PAX2: variants seen among roughly 807,000 people sequenced by gnomAD.
PAX2 encodes paired box 2, also known as paired box protein Pax-2.
In PAX2, 9 loss-of-function variants were observed where a neutral mutation model predicts 41.7. The observed-to-expected ratio is 0.22, with a 90% CI of 0.13 to 0.38. The LOEUF is 0.38. Among genes scored for constraint, PAX2 ranks in the 10% least tolerant of loss-of-function variants. PAX2 has a pLI of 1.00. For missense variants in PAX2, 418 were observed against 531.6 expected (o/e 0.79, Z 2.10); for synonymous variants, 221 against 212.7 (o/e 1.04, Z -0.34).
chr10:100,772,056 C>T (rs74608845), intron 3 of PAX2, among the ~76,000 whole-genome samples: 1,941 of 152,104 alleles, frequency 0.013, 47 homozygotes, highest in African/African-American at 0.044. Context: ...TCACTTGCCT[C>T]GGCCTCCCAA....
chr10:100,817,702 C>A (rs1424126961), intron 7 of PAX2, among the ~76,000 whole-genome samples: 1 of 152,164 alleles, frequency 6.6e-6, no homozygotes, highest in Admixed American at 6.5e-5. Context: ...AGCAGGCAAG[C>A]CTCAGGTGGG....
chr10:100,783,625 G>T (rs1254564222), intron 5 of PAX2, among the ~76,000 whole-genome samples: 3 of 150,882 alleles, frequency 2.0e-5, no homozygotes, highest in East Asian at 2.0e-4. Flanking sequence ...CCACAGGATA[G>T]CAGGCCAGGT....
chr10:100,801,157 A>G (rs1246939048), intron 5 of PAX2, among the ~76,000 whole-genome samples: 4 of 152,164 alleles, frequency 2.6e-5, no homozygotes, highest in East Asian at 3.9e-4. Flanking sequence ...GCCCTGTGCC[A>G]GGATCCCCAG....
rs148670912 is a variant in PAX2 at position 100,784,263 on chromosome 10, C to A, written c.616+2898C>A. ...GCAGGCCAGTCACAGAAGGCAGCCT[C>A]GGGCATGGGCTGCAGACACCCAGGT... On this transcript the variant is annotated intron_variant, in intron 5 of 9. Transcript: ENST00000355243. Among the ~76,000 whole-genome samples, 16 of 152,344 alleles carry A rather than the reference C, an allele frequency of 1.1e-4. No homozygotes were observed. In the East Asian group the frequency reaches 2.9e-3, roughly 28 times the overall value.
intron 7 of PAX2, among the ~76,000 whole-genome samples, chr10:100,812,636 G>A (rs1848033693): frequency 6.6e-6 from 1 of 152,150 alleles, no homozygotes; most frequent in African/African-American, 2.4e-5. Context: ...TCCCATCCCT[G>A]GAAGAAAAGA....
At chr10:100,749,511 C>G in intron 1 of PAX2, 2 of 1,336,524 alleles carry the variant, frequency 1.5e-6, no homozygotes, top group East Asian at 2.9e-5. Flanking sequence ...TTCTACCTTG[C>G]GTCGCAAGGC....
intron 1 of PAX2, among the ~76,000 whole-genome samples, chr10:100,739,379 TG>T (rs1844875715): frequency 6.6e-6 from 1 of 152,236 alleles, no homozygotes; most frequent in Non-Finnish European, 1.5e-5. Flanking sequence ...AGCTCCCGGC[TG>T]TGGCGCGCTC....
At chr10:100,749,405 C>T (rs1845346278) in intron 1 of PAX2, 2 of 1,138,922 alleles carry the variant, frequency 1.8e-6, no homozygotes, top group African/African-American at 3.2e-5. Flanking sequence ...TCCTCGCTTT[C>T]TTACGCCCTT....
intron 3 of PAX2, among the ~76,000 whole-genome samples, chr10:100,754,775 T>C (rs1329072361): frequency 2.0e-5 from 3 of 152,210 alleles, no homozygotes; most frequent in Non-Finnish European, 4.4e-5. Flanking sequence ...TCTCTGAAAC[T>C]CAGGTTCCAG....
At chr10:100,780,236 GC>G (rs2133895528) in intron 4 of PAX2, among the ~76,000 whole-genome samples, 1 of 152,094 alleles carries the variant, frequency 6.6e-6, no homozygotes, top group Admixed American at 6.5e-5. Context: ...CATTCTTTGA[GC>G]CATGCTTAGG....
chr10:100,792,727 C>T (rs1309569959), intron 5 of PAX2, among the ~76,000 whole-genome samples: 3 of 151,706 alleles, frequency 2.0e-5, no homozygotes, highest in African/African-American at 7.3e-5. Context: ...CTCTCCCTCC[C>T]CCTCCCTCCC....
In PAX2 at chr10:100,745,956, A is replaced by T. The variant is rs923372053; in HGVS notation, c.-305A>T. The T allele has an allele frequency of 3.6e-4, 455 of 1,276,256 alleles. No homozygotes were observed. Among genetic ancestry groups the T allele is most frequent in the Non-Finnish European group, 4.3e-4 (439 of 1,011,518 alleles). 79.1% of individuals were successfully genotyped at this position (1,276,256 alleles called of 1,614,324 possible). Reference sequence around the variant, plus strand: ...CAGCCCTGGCTGCAGCTGCAGCGCGAGCCATGCGCCCCCAGTGCACCCCGG... The same window carrying T: ...CAGCCCTGGCTGCAGCTGCAGCGCGTGCCATGCGCCCCCAGTGCACCCCGG... On this transcript the variant is annotated 5_prime_UTR_variant, in exon 1 of 10. Coordinates refer to ENST00000355243, the MANE Select transcript of PAX2 (RefSeq NM_000278.5).
chr10:100,784,374 C>T (rs1307428945), intron 5 of PAX2, among the ~76,000 whole-genome samples: 1 of 152,156 alleles, frequency 6.6e-6, no homozygotes, highest in African/African-American at 2.4e-5. Flanking sequence ...ACTGAGCACG[C>T]ACATTAAAGG....
chr10:100,737,529 CT>C (rs1275786897), intron 1 of PAX2, among the ~76,000 whole-genome samples: 1 of 152,224 alleles, frequency 6.6e-6, no homozygotes, highest in Non-Finnish European at 1.5e-5. Context: ...GCAGCAGCAG[CT>C]CCGGGAAAGG....
Position 100,750,771 on chromosome 10 carries a change from A to G in PAX2, c.290A>G (p.Asp97Gly). The change falls in exon 3 of 10, where the codon GAC becomes GGC. Residue 97 changes from aspartate to glycine, a missense_variant. Coordinates refer to ENST00000355243, the MANE Select transcript of PAX2 (RefSeq NM_000278.5). The surrounding 1 kb of genome is among the most constrained non-coding windows in gnomAD (Gnocchi z 4.1). Reference protein sequence around the residue: ...KPKVATPKVVDKIAEYKRQNP... With the variant: ...KPKVATPKVVGKIAEYKRQNP... ...AAAGTGGCGACGCCCAAAGTGGTGG[A>G]CAAGATTGCTGAATACAAACGACAG... 6.2e-7 allele frequency: 1 copy of G among 1,614,086 alleles called. No homozygotes were observed. The highest frequency in any genetic ancestry group is 2.2e-5 in the East Asian group (1 of 44,890).
chr10:100,803,318 T>TCCTTGGGAGGAAGCTCC (rs983905035), intron 5 of PAX2, among the ~76,000 whole-genome samples: 1 of 151,988 alleles, frequency 6.6e-6, no homozygotes, highest in African/African-American at 2.4e-5. Flanking sequence ...CTGGGCTTCC[T>TCCTTGGGAGGAAGCTCC]CCTTCCCTGA....
chr10:100,750,040 TC>T lies in PAX2; in HGVS notation c.212+127del. 9.1e-7 allele frequency: 1 copy of T among 1,093,586 alleles called. No individual in the cohort carries two copies. Among genetic ancestry groups the T allele is most frequent in the Non-Finnish European group, 1.3e-6 (1 of 762,302 alleles). The allele number at this position is 1,093,586 out of a possible 1,614,324, so 67.7% of individuals were successfully genotyped here. A position where few individuals can be genotyped will look rare whatever the true frequency, so the allele number is the denominator to read the frequency against. On this transcript the variant is annotated intron_variant, in intron 2 of 9. Coordinates refer to ENST00000355243, the MANE Select transcript of PAX2 (RefSeq NM_000278.5). This position sits in a 1 kb window ranked among gnomAD's most constrained non-coding sequence, Gnocchi z 4.1. ...CCAGAGAGGGAGATCCCCAAAGGGG[TC>T]TGGAGAGGTGCTCCTTTTGGAGAGA...
At chr10:100,749,441 C>A in intron 1 of PAX2, 1 of 1,230,114 alleles carries the variant, frequency 8.1e-7, no homozygotes, top group Non-Finnish European at 1.0e-6. Flanking sequence ...TCCCCTTTGG[C>A]ATTTTCTCCC....
Position 100,827,041 on chromosome 10 carries a change from C to A in PAX2, c.1054C>A (p.Pro352Thr), listed in dbSNP as rs745392326. 1.2e-6 allele frequency: 2 copies of A among 1,613,658 alleles called. No individual in the cohort carries two copies. Among genetic ancestry groups the A allele is most frequent in the Non-Finnish European group, 1.7e-6 (2 of 1,179,586 alleles). ...GTTCTCCGGCAACCCGTACAGCCACCCCCAGTACACGGCCTACAACGAGGC... is the reference window on the plus strand; with the variant it reads ...GTTCTCCGGCAACCCGTACAGCCACACCCAGTACACGGCCTACAACGAGGC... ...SEFSGNPYSHPQYTAYNEAWR... is the reference protein window; with the variant it reads ...SEFSGNPYSHTQYTAYNEAWR... Residue 352 changes from proline to threonine, a missense_variant, in exon 9 of 10, where the codon CCC becomes ACC. Around this residue, in one of 2 missense-constraint regions of PAX2, gnomAD observed 310 missense variants for 325.2 expected, o/e 0.95. Coordinates refer to ENST00000355243, the MANE Select transcript of PAX2 (RefSeq NM_000278.5). The surrounding 1 kb of genome is among the most constrained non-coding windows in gnomAD (Gnocchi z 8.5).
Sources: gnomAD v4.1 joint callset for allele counts (sites outside exome capture counted in the v4.1 genomes callset) on GRCh38, gnomAD v4.1.1 for gene constraint, gnomAD v4.1.1 regional missense constraint, Gnocchi (gnomAD v3.1) non-coding constraint, MANE v1.5 for transcripts, NCBI Gene and HGNC (gene_info 2026-07-23, HGNC 2026-07-21) for gene names.